Variants in RAB27B observed in about 807,000 individuals in gnomAD.
RAB27B encodes RAB27B, member RAS oncogene family, also known as ras-related protein Rab-27B.
In RAB27B, 15 loss-of-function variants were observed where a neutral mutation model predicts 24.6. That is an observed-to-expected ratio of 0.61 (90% CI 0.41 to 0.94). RAB27B has a LOEUF of 0.94. Ranked by LOEUF, RAB27B falls within the 40% of genes least tolerant of loss-of-function variation. The probability of loss-of-function intolerance (pLI) is 0.00; values close to 1 mark genes in which losing one functional copy is unlikely to be tolerated. For synonymous variants in RAB27B, 105 were observed against 92.5 expected, an observed-to-expected ratio of 1.14 and a Z score of -0.78; for missense variants, 261 against 266.8, an observed-to-expected ratio of 0.98 and a Z score of 0.15.
intron 1 of RAB27B, among the ~76,000 whole-genome samples, chr18:54,833,939 A>G (rs9319915): frequency 0.019 from 2,840 of 152,304 alleles, 56 homozygotes; most frequent in South Asian, 0.088. Context: ...GACAAGACCA[A>G]TGAAGATCAG....
intron 2 of RAB27B, among the ~76,000 whole-genome samples, chr18:54,778,773 T>A (rs963552277): frequency 6.6e-6 from 1 of 152,118 alleles, no homozygotes; most frequent in Non-Finnish European, 1.5e-5. Flanking sequence ...ACTTCTTGCC[T>A]CTCTGCTTTG....
intron 1 of RAB27B, among the ~76,000 whole-genome samples, chr18:54,874,522 G>T: frequency 6.7e-6 from 1 of 148,368 alleles, no homozygotes; most frequent in African/African-American, 2.5e-5. Context: ...ATGACTTAGT[G>T]TTTCTTGAGA....
intron 1 of RAB27B, among the ~76,000 whole-genome samples, chr18:54,842,807 AT>A (rs1400883169): frequency 2.0e-5 from 3 of 152,078 alleles, no homozygotes; most frequent in African/African-American, 7.2e-5. Flanking sequence ...CAATATTATT[AT>A]TTTTGAGATG....
rs1913207802 is a variant in RAB27B at position 54,887,848 on chromosome 18, C to A, written c.344-147C>A. 6.1e-6 allele frequency: 5 copies of A among 817,520 alleles called. No homozygotes were observed. The Admixed American group carries it at 8.2e-5, about 13-fold the overall frequency. 50.6% of individuals were successfully genotyped at this position (817,520 alleles called of 1,614,324 possible). ...CGTTTTACAGATAAGCACATTGTGA[C>A]TGGGAAGAGGAAGTAACTTGGCCAA... On this transcript the variant is annotated intron_variant, in intron 4 of 5. Coordinates refer to ENST00000262094, the MANE Select transcript of RAB27B (RefSeq NM_004163.4).
chr18:54,777,466 C>T (rs986502538), intron 2 of RAB27B, among the ~76,000 whole-genome samples: 4 of 152,228 alleles, frequency 2.6e-5, no homozygotes, highest in African/African-American at 9.6e-5. Flanking sequence ...GCAAACTCCA[C>T]CTGAGCTCTA....
intron 2 of RAB27B, among the ~76,000 whole-genome samples, chr18:54,782,367 G>C (rs540787845): frequency 6.6e-6 from 1 of 152,256 alleles, no homozygotes; most frequent in African/African-American, 2.4e-5. Context: ...CAAATAGTAT[G>C]GTTGCAAATT....
At chr18:54,805,194 C>A (rs1301141607) in intron 2 of RAB27B, among the ~76,000 whole-genome samples, 7 of 151,966 alleles carry the variant, frequency 4.6e-5, no homozygotes, top group Non-Finnish European at 7.4e-5. Context: ...TTACACTCAG[C>A]TCTGGTTGGC....
chr18:54,776,121 T>C (rs571920340), intron 2 of RAB27B, among the ~76,000 whole-genome samples: 20 of 152,362 alleles, frequency 1.3e-4, no homozygotes, highest in Admixed American at 1.2e-3. Flanking sequence ...TTGTTGTTGT[T>C]TTTTAAGAAA....
At chr18:54,877,202 T>C (rs959091999) in intron 1 of RAB27B, among the ~76,000 whole-genome samples, 3 of 152,116 alleles carry the variant, frequency 2.0e-5, no homozygotes, top group Non-Finnish European at 4.4e-5. Context: ...CCTTCTGCAA[T>C]GATTGTAAGT....
intron 2 of RAB27B, among the ~76,000 whole-genome samples, chr18:54,770,890 C>A (rs984769156): frequency 6.6e-6 from 1 of 152,110 alleles, no homozygotes; most frequent in Admixed American, 6.5e-5. Context: ...TTCAAAAAAT[C>A]TTTTTGGGGT....
At chr18:54,771,277 T>C (rs1833310) in intron 2 of RAB27B, among the ~76,000 whole-genome samples, 70,231 of 152,068 alleles carry the variant, frequency 0.46, 17,708 homozygotes, top group Middle Eastern at 0.58. Flanking sequence ...ACTGCACATG[T>C]TTAATGTATA....
chr18:54,869,929 C>T (rs953155123), intron 1 of RAB27B, among the ~76,000 whole-genome samples: 14 of 152,156 alleles, frequency 9.2e-5, no homozygotes, highest in Middle Eastern at 3.4e-3. Context: ...TAAGAAAAAA[C>T]AGGATTAAAT....
At chr18:54,805,273 A>G (rs1231953893) in intron 2 of RAB27B, among the ~76,000 whole-genome samples, 1 of 152,126 alleles carries the variant, frequency 6.6e-6, no homozygotes, top group East Asian at 1.9e-4. Flanking sequence ...CTCGTAGACT[A>G]AGGGGTCACT....
In RAB27B at chr18:54,791,496, C is replaced by A. The variant is rs1190349581; in HGVS notation, c.-20+73355C>A. On this transcript the variant is annotated intron_variant, in intron 2 of 4. Transcript: ENST00000586570. ...AAGCTGAGGCAGGAGGTCACTTGAGCCCAAAAGGTCAAGGGAGTCCTGGGA... is the reference window on the plus strand; with the variant it reads ...AAGCTGAGGCAGGAGGTCACTTGAGACCAAAAGGTCAAGGGAGTCCTGGGA... Among the ~76,000 whole-genome samples, 9 of 152,192 alleles carry A rather than the reference C, an allele frequency of 5.9e-5. No homozygotes were observed. The East Asian group carries it at 1.7e-3, about 30-fold the overall frequency.
At chr18:54,767,562 A>T (rs1022939461) in intron 2 of RAB27B, among the ~76,000 whole-genome samples, 3 of 152,232 alleles carry the variant, frequency 2.0e-5, no homozygotes, top group Non-Finnish European at 4.4e-5. Context: ...CATAAACACA[A>T]TTAGAAAATC....
intron 1 of RAB27B, among the ~76,000 whole-genome samples, chr18:54,840,919 C>A (rs1380636329): frequency 1.3e-5 from 2 of 152,014 alleles, no homozygotes; most frequent in Non-Finnish European, 2.9e-5. Flanking sequence ...GAGGCTGAGG[C>A]AGGCGGATCA....
chr18:54,827,555 A>G (rs1372696056), upstream of RAB27B, among the ~76,000 whole-genome samples: 6 of 152,214 alleles, frequency 3.9e-5, no homozygotes, highest in African/African-American at 1.4e-4. Flanking sequence ...TCTACAAGAA[A>G]TTCTCTGGGA....
intron 2 of RAB27B, among the ~76,000 whole-genome samples, chr18:54,752,129 A>C (rs1907853133): frequency 1.3e-5 from 2 of 152,210 alleles, no homozygotes; most frequent in African/African-American, 4.8e-5. Flanking sequence ...CTTTGCATGT[A>C]AATTGAGGCA....
chr18:54,729,444 G>C (rs12455974), intron 2 of RAB27B, among the ~76,000 whole-genome samples: 1 of 152,136 alleles, frequency 6.6e-6, no homozygotes, highest in Non-Finnish European at 1.5e-5. Context: ...CAATATATTA[G>C]AGTTAGATTG....
Sources: allele counts gnomAD v4.1 joint callset (sites outside exome capture counted in the v4.1 genomes callset), GRCh38; gene constraint gnomAD v4.1.1; transcripts MANE v1.5; gene names NCBI Gene and HGNC (gene_info 2026-07-23, HGNC 2026-07-21).